Variants in NFATC2 observed in about 807,000 individuals in gnomAD.
NFATC2 encodes the protein nuclear factor of activated T cells 2.
A neutral mutation model predicts 87.3 loss-of-function variants in NFATC2; 22 were observed. The ratio of observed to expected loss-of-function variants is 0.25; its 90% confidence interval spans 0.18 to 0.36. The LOEUF (loss-of-function observed/expected upper bound fraction) is 0.36, where lower values mean the gene tolerates loss of function less well. NFATC2 is among the 10% of genes least tolerant of loss of function. The pLI, the probability that NFATC2 is intolerant of heterozygous loss-of-function variation, is 1.00. For synonymous variants in NFATC2, 565 were observed against 542.2 expected (o/e 1.04, Z -0.58); for missense variants, 1,149 against 1,259.1 (o/e 0.91, Z 1.32).
Position 51,398,643 on chromosome 20 carries a change from C to T in NFATC2, c.*44G>A. 6 of 1,600,320 alleles carry T rather than the reference C, an allele frequency of 3.7e-6. No individual in the cohort carries two copies. The highest frequency in any genetic ancestry group is 1.7e-5 in the Admixed American group (1 of 58,690). ...AGGAGAAGCAGAAGATATCGATTAC[C>T]TTTAACTTTGATTTCTCGGATCAAA... is the stretch of plus-strand genomic sequence containing the variant. On this transcript the variant is annotated splice_region_variant and 3_prime_UTR_variant, in exon 10 of 11. Transcript: ENST00000371564.
chr20:51,495,619 ACTCATTT>A (rs2146603097), intron 3 of NFATC2, among the ~76,000 whole-genome samples: 1 of 152,220 alleles, frequency 6.6e-6, no homozygotes, highest in African/African-American at 2.4e-5. Flanking sequence ...ATTCTACAGC[ACTCATTT>A]TTAGCAAGCA....
chr20:51,415,164 T>G (rs1979866201), intron 9 of NFATC2, among the ~76,000 whole-genome samples: 1 of 149,382 alleles, frequency 6.7e-6, no homozygotes, highest in Admixed American at 6.7e-5. Context: ...GAGGATCACT[T>G]GGGCCTGGGA....
chr20:51,410,063 AGC>A (rs1393762442), intron 9 of NFATC2, among the ~76,000 whole-genome samples: 4 of 152,112 alleles, frequency 2.6e-5, no homozygotes, highest in Non-Finnish European at 4.4e-5. Flanking sequence ...ACAAAAAATT[AGC>A]CAGGCGTGGT....
chr20:51,454,723 G>C, intron 5 of NFATC2, 35 bp from the exon 6 acceptor site: 1 of 1,609,616 alleles, frequency 6.2e-7, no homozygotes, highest in East Asian at 2.2e-5. Context: ...ACTGTGATAA[G>C]GGGAGATGTC....
In NFATC2 at chr20:51,419,947, C is replaced by CA. The variant is rs142619097; in HGVS notation, c.2722+12119dup. ...AAATGATAAGGACAAAAGGAACTAC[C>CA]AAAAAAAAGCCCATTAAAATCTTAA... On this transcript the variant is annotated intron_variant, in intron 9 of 10. Transcript: ENST00000371564. Among the ~76,000 whole-genome samples, 920 of 145,840 alleles carry CA rather than the reference C, an allele frequency of 6.3e-3. 8 individuals are homozygous for CA. The highest frequency in any genetic ancestry group is 0.021 in the African/African-American group (817 of 39,304).
intron 5 of NFATC2, among the ~76,000 whole-genome samples, chr20:51,458,573 C>A (rs943041220): frequency 6.7e-6 from 1 of 149,784 alleles, no homozygotes; most frequent in Non-Finnish European, 1.5e-5. Context: ...CTGAGGCAGG[C>A]GGATCACAAG....
chr20:51,562,574 C>T lies in NFATC2; in HGVS notation c.56G>A (p.Gly19Glu), dbSNP rs1380125235. ...GAGTCAGTTACCTTGGTCCACAGAC[C>T]CCATGATGCGGAGGGGATGGCAGTG... The change falls in exon 1 of 11, where the codon GGG (glycine) becomes GAG (glutamate). Residue 19 changes from glycine (G) to glutamate (E), a missense_variant. Transcript: ENST00000414705. The surrounding 1 kb of genome is among the most constrained non-coding windows in gnomAD (Gnocchi z 5.8). 1 of 1,551,232 alleles carries T rather than the reference C, an allele frequency of 6.4e-7. No individual in the cohort carries two copies.
At chr20:51,487,008 A>C (rs1989765489) in intron 3 of NFATC2, among the ~76,000 whole-genome samples, 1 of 152,220 alleles carries the variant, frequency 6.6e-6, no homozygotes. Flanking sequence ...TGGCGAGGGA[A>C]AAGTGAGGCA....
chr20:51,505,028 T>TTC (rs2076153725), intron 3 of NFATC2, among the ~76,000 whole-genome samples: 1 of 121,700 alleles, frequency 8.2e-6, no homozygotes, highest in Non-Finnish European at 1.7e-5. Flanking sequence ...TTTTTTTTTT[T>TTC]TTTGAGACGG....
rs774385491 is a variant in NFATC2 at position 51,523,414 on chromosome 20, G to C, written c.827C>G (p.Ser276Trp). The C allele has an allele frequency of 6.2e-7, 1 of 1,608,642 alleles. No individual in the cohort carries two copies. Among genetic ancestry groups the C allele is most frequent in the South Asian group, 1.1e-5 (1 of 90,732 alleles). ...GASPQRSRSP[S>W]PQPSSHVAPQ... ...TGCCACGTGAGATGAGGGCTGCGGC[G>C]AGGGGCTCCGGGAGCGCTGGGGTGA... The change falls in exon 2 of 11, where the codon TCG becomes TGG. Residue 276 changes from serine (S) to tryptophan (W), a missense_variant. Ser to Trp is a radical substitution (Grantham distance 177). Around this residue, in one of 3 missense-constraint regions of NFATC2, gnomAD observed 563 missense variants for 585.2 expected, o/e 0.96. Coordinates refer to ENST00000371564, the MANE Select transcript of NFATC2 (RefSeq NM_012340.5). The surrounding 1 kb of genome is among the most constrained non-coding windows in gnomAD (Gnocchi z 6.9).
upstream of NFATC2, among the ~76,000 whole-genome samples, chr20:51,543,103 G>A (rs2076852693): frequency 6.6e-6 from 1 of 152,144 alleles, no homozygotes; most frequent in African/African-American, 2.4e-5. Flanking sequence ...TTGCAGACCC[G>A]TGTCTCCAGG....
At chr20:51,545,592 A>G (rs1196672980), upstream of NFATC2, among the ~76,000 whole-genome samples, 1 of 152,044 alleles carries the variant, frequency 6.6e-6, no homozygotes, top group African/African-American at 2.4e-5. Context: ...TGGATGGAAG[A>G]TGGATGGATG....
intron 10 of NFATC2, among the ~76,000 whole-genome samples, chr20:51,395,608 G>A (rs1157714996): frequency 1.8e-5 from 1 of 54,064 alleles, no homozygotes; most frequent in Non-Finnish European, 3.4e-5. Context: ...TCTCACAGAG[G>A]TGCCCTAAAA....
chr20:51,438,595 T>C lies in NFATC2; in HGVS notation c.1850-2834A>G, dbSNP rs1600730509. 3.3e-5 allele frequency among the ~76,000 whole-genome samples: 5 copies of C among 152,214 alleles called. No individual in the cohort carries two copies. In the East Asian group the frequency reaches 9.7e-4, roughly 29 times the overall value. On this transcript the variant is annotated intron_variant, in intron 6 of 10. Transcript: ENST00000371564. ...CAGGCTCACACCAATAAGTGGCAGA[T>C]GAAACAGAAAATACAAAATGGCGGT... is the stretch of plus-strand genomic sequence containing the variant.
intron 6 of NFATC2, among the ~76,000 whole-genome samples, chr20:51,437,692 C>G (rs1983769906): frequency 6.6e-6 from 1 of 152,158 alleles, no homozygotes; most frequent in East Asian, 1.9e-4. Context: ...TAAGTCCTGA[C>G]CTTACAGCGC....
intron 3 of NFATC2, 70 bp from the exon 4 acceptor site, chr20:51,475,730 A>C: frequency 6.8e-7 from 1 of 1,465,014 alleles, no homozygotes; most frequent in Non-Finnish European, 9.4e-7. Context: ...ACAAAAAAAG[A>C]CCAGAGAGCT....
At chr20:51,398,252 G>A (rs1035113012) in intron 10 of NFATC2, among the ~76,000 whole-genome samples, 1 of 152,178 alleles carries the variant, frequency 6.6e-6, no homozygotes, top group Admixed American at 6.5e-5. Context: ...GGACCTCCCT[G>A]CCCACTCTGC....
Position 51,432,532 on chromosome 20 carries a change from G to T in NFATC2, c.2257C>A (p.Gln753Lys). The T allele has an allele frequency of 6.4e-7, 1 of 1,553,584 alleles. No homozygotes were observed. Residue 753 changes from glutamine (Q) to lysine (K), a missense_variant, in exon 9 of 11, where the codon CAG becomes AAG. Physicochemically the swap from Gln to Lys is moderately conservative, Grantham distance 53. Transcript: ENST00000371564. This position sits in a 1 kb window ranked among gnomAD's most constrained non-coding sequence, Gnocchi z 4.6. Reference protein sequence around the residue: ...QQQNPAAVLYQRSKSLSPSLL... With the variant: ...QQQNPAAVLYKRSKSLSPSLL... ...CTGGGGCTCAGGCTCTTGCTCCGCTGGTAGAGTACGGCCGCTGGGTTCTGT... is the reference window on the plus strand; with the variant it reads ...CTGGGGCTCAGGCTCTTGCTCCGCTTGTAGAGTACGGCCGCTGGGTTCTGT...
intron 9 of NFATC2, among the ~76,000 whole-genome samples, chr20:51,404,367 G>A (rs1422656162): frequency 6.6e-6 from 1 of 152,194 alleles, no homozygotes; most frequent in East Asian, 1.9e-4. Flanking sequence ...CAGCTTCTAA[G>A]GCTTTTAGAG....
Sources: allele counts gnomAD v4.1 joint callset (sites outside exome capture counted in the v4.1 genomes callset), GRCh38; gene constraint gnomAD v4.1.1; regional missense constraint gnomAD v4.1.1; non-coding constraint Gnocchi (gnomAD v3.1); transcripts MANE v1.5; gene names NCBI Gene and HGNC (gene_info 2026-07-23, HGNC 2026-07-21).